Variants in NRXN1 observed in about 807,000 individuals in gnomAD.
NRXN1 encodes the protein neurexin 1, also known as neurexin-1.
In NRXN1, 39 loss-of-function variants were observed where a neutral mutation model predicts 150.9. The observed-to-expected ratio is 0.26, with a 90% CI of 0.20 to 0.34. NRXN1 has a LOEUF of 0.34. NRXN1 is among the 10% of genes least tolerant of loss of function. The pLI, the probability that NRXN1 is intolerant of heterozygous loss-of-function variation, is 1.00. For missense variants in NRXN1, 1,815 were observed against 1,949.9 expected (o/e 0.93, Z 1.30); for synonymous variants, 924 against 757.0 (o/e 1.22, Z -3.62).
intron 18 of NRXN1, among the ~76,000 whole-genome samples, chr2:50,110,910 A>C (rs1489170999): frequency 6.6e-6 from 1 of 152,200 alleles, no homozygotes; most frequent in Non-Finnish European, 1.5e-5. Context: ...TTAGAAAAAA[A>C]TCAAATAATG....
chr2:50,525,434 T>C (rs923433746), intron 12 of NRXN1, among the ~76,000 whole-genome samples: 1 of 152,148 alleles, frequency 6.6e-6, no homozygotes. Flanking sequence ...GAGGCAAGGG[T>C]AATCTGATTG....
chr2:50,993,331 C>CA (rs1260205461), intron 2 of NRXN1, among the ~76,000 whole-genome samples: 10 of 152,004 alleles, frequency 6.6e-5, no homozygotes, highest in African/African-American at 2.4e-4. Flanking sequence ...GGGCTAGTCT[C>CA]AGTGTGCCAT....
At chr2:50,547,355 G>C (rs1057439006) in intron 9 of NRXN1, 1 of 152,114 alleles carries the variant, frequency 6.6e-6, no homozygotes, top group Admixed American at 6.5e-5. Flanking sequence ...AAATACTTGA[G>C]AGGGTACTTT....
intron 5 of NRXN1, among the ~76,000 whole-genome samples, chr2:50,689,839 T>G (rs998815264): frequency 1.3e-5 from 2 of 149,718 alleles, no homozygotes; most frequent in East Asian, 2.0e-4. Context: ...CATCAGCTTG[T>G]TTTTTTTTGC....
intron 2 of NRXN1, among the ~76,000 whole-genome samples, chr2:50,960,854 A>G (rs1329267006): frequency 1.3e-5 from 2 of 152,018 alleles, no homozygotes; most frequent in Non-Finnish European, 2.9e-5. Context: ...TGTATTTCCA[A>G]GAAAATTACT....
intron 17 of NRXN1, among the ~76,000 whole-genome samples, chr2:50,444,540 G>A (rs1447293619): frequency 6.6e-6 from 1 of 152,078 alleles, no homozygotes; most frequent in East Asian, 1.9e-4. Context: ...GCCTCTACTC[G>A]AATTACGTGT....
intron 17 of NRXN1, among the ~76,000 whole-genome samples, chr2:50,318,010 T>C (rs376211333): frequency 3.9e-5 from 6 of 152,014 alleles, no homozygotes; most frequent in African/African-American, 1.4e-4. Context: ...TATCAAATTT[T>C]AGAACTCCAT....
intron 11 of NRXN1, among the ~76,000 whole-genome samples, chr2:50,529,720 TGA>T (rs1307731787): frequency 1.3e-5 from 2 of 152,222 alleles, no homozygotes; most frequent in Non-Finnish European, 2.9e-5. Flanking sequence ...AAAATTCTCA[TGA>T]GTGTTTCCAC....
rs552714036 is a variant in NRXN1 at position 50,121,312 on chromosome 2, C to T, written c.3547-29818G>A. 9.2e-5 allele frequency among the ~76,000 whole-genome samples: 14 copies of T among 152,308 alleles called. No homozygotes were observed. In the East Asian group the frequency reaches 2.7e-3, roughly 29 times the overall value. On this transcript the variant is annotated intron_variant, in intron 18 of 22. Coordinates refer to ENST00000401669, the MANE Select transcript of NRXN1 (RefSeq NM_001330078.2). ...CTGGGATTATAGGCATGAGCCACTG[C>T]CCACTGCGCCCAGCCTTATTTCACC...
intron 5 of NRXN1, among the ~76,000 whole-genome samples, chr2:50,895,861 T>A (rs531199225): frequency 6.6e-6 from 1 of 152,232 alleles, no homozygotes; most frequent in Non-Finnish European, 1.5e-5. Context: ...ATTACAGGCA[T>A]GAGACACCGT....
chr2:50,525,121 T>G (rs75340440), intron 12 of NRXN1, among the ~76,000 whole-genome samples: 2,119 of 152,302 alleles, frequency 0.014, 50 homozygotes, highest in African/African-American at 0.049. Flanking sequence ...AATGACTTAC[T>G]AAAGTCATTT....
intron 12 of NRXN1, among the ~76,000 whole-genome samples, chr2:50,525,773 C>G (rs1212525838): frequency 6.6e-6 from 1 of 152,164 alleles, no homozygotes; most frequent in Non-Finnish European, 1.5e-5. Flanking sequence ...AAGAGGCTCT[C>G]TTCTTCCATT....
intron 5 of NRXN1, among the ~76,000 whole-genome samples, chr2:50,846,533 A>G (rs1278832553): frequency 6.6e-6 from 1 of 152,190 alleles, no homozygotes; most frequent in Non-Finnish European, 1.5e-5. Context: ...AAAGATCCAT[A>G]AACATTTTCA....
chr2:50,254,269 A>T (rs1376511082), intron 17 of NRXN1, among the ~76,000 whole-genome samples: 2 of 148,682 alleles, frequency 1.3e-5, no homozygotes, highest in Non-Finnish European at 3.0e-5. Context: ...TATCCCCTTT[A>T]TCATTTTTTA....
At chr2:50,269,845 T>C (rs978262857) in intron 17 of NRXN1, among the ~76,000 whole-genome samples, 1 of 152,174 alleles carries the variant, frequency 6.6e-6, no homozygotes, top group Non-Finnish European at 1.5e-5. Flanking sequence ...AAGGTCTAAT[T>C]TGGGAAAAGA....
intron 12 of NRXN1, among the ~76,000 whole-genome samples, chr2:50,524,454 G>T (rs1291679836): frequency 6.6e-6 from 1 of 151,080 alleles, no homozygotes; most frequent in Non-Finnish European, 1.5e-5. Flanking sequence ...ACTCCAGCCT[G>T]GATGAGAGAG....
At chr2:50,042,308 G>A (rs971837130) in intron 21 of NRXN1, among the ~76,000 whole-genome samples, 7 of 152,164 alleles carry the variant, frequency 4.6e-5, no homozygotes, top group Non-Finnish European at 1.0e-4. Context: ...GGAGGTAACT[G>A]AATCAGGGAG....
At chr2:50,934,284 A>G (rs1270255168) in intron 2 of NRXN1, among the ~76,000 whole-genome samples, 1 of 152,176 alleles carries the variant, frequency 6.6e-6, no homozygotes, top group African/African-American at 2.4e-5. Context: ...AAATAATTTG[A>G]TAAGATCATC....
At chr2:50,739,296 T>C (rs993132929) in intron 5 of NRXN1, 5 of 487,178 alleles carry the variant, frequency 1.0e-5, no homozygotes, top group Non-Finnish European at 2.1e-5. Context: ...TAATATTGAT[T>C]TCAACATACC....
Sources: allele counts gnomAD v4.1 joint callset (sites outside exome capture counted in the v4.1 genomes callset), GRCh38; gene constraint gnomAD v4.1.1; transcripts MANE v1.5; gene names NCBI Gene and HGNC (gene_info 2026-07-23, HGNC 2026-07-21).